Variants in PABPC1 observed in about 807,000 individuals in gnomAD.
PABPC1 encodes polyadenylate-binding protein 1.
PABPC1 carries 4 observed loss-of-function variants against 74.0 expected under a neutral mutation model. That is an observed-to-expected ratio of 0.05 (90% confidence interval 0.03 to 0.12). The LOEUF (loss-of-function observed/expected upper bound fraction) is 0.12. Ranked by LOEUF, PABPC1 falls within the 10% of genes least tolerant of loss-of-function variation. PABPC1 has a pLI of 1.00. For synonymous variants in PABPC1, 227 were observed against 264.1 expected (o/e 0.86, Z 1.36); for missense variants, 271 against 821.1 (o/e 0.33, Z 8.19).
rs779964504 is a variant in PABPC1 at position 100,715,621 on chromosome 8, CTATA to C, written c.504-24_504-21del. On this transcript the variant is annotated intron_variant, in intron 3 of 14. Coordinates refer to ENST00000318607, the MANE Select transcript of PABPC1 (RefSeq NM_002568.4). ...ACAAATCTAATAAGATATACAAGGA[CTATA>C]ACATTAGATTCTATTTTATAAAGTT... The C allele has an allele frequency of 6.4e-7, 1 of 1,556,644 alleles. No individual in the cohort carries two copies. Among genetic ancestry groups the C allele is most frequent in the Non-Finnish European group, 8.8e-7 (1 of 1,139,068 alleles).
chr8:100,712,602 A>T (rs770563475), intron 6 of PABPC1, 50 bp downstream of exon 6: 2 of 1,575,846 alleles, frequency 1.3e-6, no homozygotes, highest in Non-Finnish European at 8.6e-7. Context: ...TCAACGTAAA[A>T]TAGGTTTCCT....
At chr8:100,716,859 C>G (rs1324072655) in intron 3 of PABPC1, among the ~76,000 whole-genome samples, 2 of 152,182 alleles carry the variant, frequency 1.3e-5, no homozygotes, top group African/African-American at 4.8e-5. Flanking sequence ...ATGAAAGACA[C>G]TTTGTGTATT....
intron 4 of PABPC1, among the ~76,000 whole-genome samples, chr8:100,715,122 TACAC>T (rs56819980): frequency 0.056 from 7,293 of 131,326 alleles, 483 homozygotes; most frequent in African/African-American, 0.17. Flanking sequence ...GATCTCTAAT[TACAC>T]ACACACACAC....
intron 3 of PABPC1, among the ~76,000 whole-genome samples, chr8:100,716,606 C>T (rs1309792533): frequency 6.6e-6 from 1 of 152,202 alleles, no homozygotes; most frequent in East Asian, 1.9e-4. Flanking sequence ...GGTTGGTCTT[C>T]GCTATGCTAT....
At chr8:100,710,021 G>A (rs558637648) in intron 7 of PABPC1, among the ~76,000 whole-genome samples, 1 of 152,258 alleles carries the variant, frequency 6.6e-6, no homozygotes, top group East Asian at 1.9e-4. Flanking sequence ...TTTCAATATT[G>A]AAATTTAATT....
In PABPC1 at chr8:100,713,686, C is replaced by T. The variant is rs530625092; in HGVS notation, c.644-505G>A. Among the ~76,000 whole-genome samples the T allele has an allele frequency of 2.6e-4, 40 of 152,238 alleles. 1 individual carries two copies. The highest frequency in any genetic ancestry group is 9.6e-4 in the African/African-American group (40 of 41,546). ...TATTTTTTGTAGAGATAGGGTCTTG[C>T]TATGTTGCCCGGGCTAGTCTAAAAC... is the stretch of plus-strand genomic sequence containing the variant. On this transcript the variant is annotated intron_variant, in intron 4 of 14. Transcript: ENST00000318607.
rs1402735856 is a variant in PABPC1 at position 100,721,216 on chromosome 8, C to A, written c.193+175G>T. 6.6e-6 allele frequency among the ~76,000 whole-genome samples: 1 copy of A among 151,602 alleles called. No homozygotes were observed. Among genetic ancestry groups the A allele is most frequent in the African/African-American group, 2.4e-5 (1 of 41,386 alleles). ...CGTGTGGCTGCCGGCAGCGCGGGTC[C>A]CCGCCGGCTCGGGAAACGCGGCTCC... On this transcript the variant is annotated intron_variant, in intron 1 of 14. Coordinates refer to ENST00000318607, the MANE Select transcript of PABPC1 (RefSeq NM_002568.4). The surrounding 1 kb of genome is among the most constrained non-coding windows in gnomAD (Gnocchi z 7.4).
At chr8:100,718,624 T>A (rs947173332) in intron 1 of PABPC1, among the ~76,000 whole-genome samples, 1 of 152,242 alleles carries the variant, frequency 6.6e-6, no homozygotes, top group African/African-American at 2.4e-5. Flanking sequence ...TTCCTTCACA[T>A]ACAATCTGTT....
chr8:100,708,063 C>T (rs1158961125), intron 9 of PABPC1, among the ~76,000 whole-genome samples: 1 of 152,180 alleles, frequency 6.6e-6, no homozygotes, highest in African/African-American at 2.4e-5. Context: ...AGAGTAATTG[C>T]TACAAACTAA....
chr8:100,710,956 C>T (rs1029626200), intron 7 of PABPC1, among the ~76,000 whole-genome samples: 1 of 151,230 alleles, frequency 6.6e-6, no homozygotes, highest in African/African-American at 2.4e-5. Flanking sequence ...CACTTCACTC[C>T]ATCTCAAAAA....
intron 11 of PABPC1, 38 bp from the exon 12 acceptor site, chr8:100,705,711 GA>G: frequency 1.5e-6 from 2 of 1,330,664 alleles, no homozygotes; most frequent in South Asian, 1.2e-5. Context: ...TTAAAGCACA[GA>G]AAAAGATGGC....
intron 13 of PABPC1, 27 bp downstream of exon 13, chr8:100,704,899 G>A: frequency 6.2e-6 from 10 of 1,610,186 alleles, no homozygotes; most frequent in Non-Finnish European, 7.6e-6. Context: ...TGTGTAAGAG[G>A]CAACTTGGTA....
At position 100,704,921 on chromosome 8, in the gene PABPC1, A is replaced by G. The variant is rs377356641; in HGVS notation, c.1818+5T>C. On this transcript the variant is annotated splice_donor_5th_base_variant and intron_variant, in intron 13 of 14. Coordinates refer to ENST00000318607, the MANE Select transcript of PABPC1 (RefSeq NM_002568.4). ...GAGGCAACTTGGTAAATAAATTTAA[A>G]TCACCTTAGAACGGAGTGACTCTGG... is the stretch of plus-strand genomic sequence containing the variant. 10 of 1,606,194 alleles carry G rather than the reference A, an allele frequency of 6.2e-6. No homozygotes were observed. Among genetic ancestry groups the G allele is most frequent in the Non-Finnish European group, 8.5e-6 (10 of 1,176,372 alleles).
chr8:100,710,321 C>T (rs1203513240), intron 7 of PABPC1, among the ~76,000 whole-genome samples: 1 of 152,126 alleles, frequency 6.6e-6, no homozygotes, highest in African/African-American at 2.4e-5. Flanking sequence ...TGCAAAGAAC[C>T]ACTCGCTAGG....
intron 4 of PABPC1, among the ~76,000 whole-genome samples, chr8:100,715,138 CACACACACACACACACACACATATAT>C (rs1331541751): frequency 7.4e-6 from 1 of 135,130 alleles, no homozygotes; most frequent in African/African-American, 2.7e-5. Flanking sequence ...CACACACACA[CACACACACACACACACACACATATAT>C]ATCTCCAGCC....
chr8:100,706,398 A>G (rs1159727287), intron 11 of PABPC1, among the ~76,000 whole-genome samples: 1 of 152,056 alleles, frequency 6.6e-6, no homozygotes, highest in African/African-American at 2.4e-5. Context: ...GGCTCGAGCA[A>G]TCCTCCTGCC....
rs1365361088 is a variant in PABPC1, at chr8:100,712,642, A to G, written c.876+10T>C. On this transcript the variant is annotated intron_variant, in intron 6 of 14. Coordinates refer to ENST00000318607, the MANE Select transcript of PABPC1 (RefSeq NM_002568.4). Reference sequence around the variant, plus strand: ...CCTGTCTTATTTTGGTTGTTCAATTAAAAATGAACCTGGTATCTGGTGATC... The same window carrying G: ...CCTGTCTTATTTTGGTTGTTCAATTGAAAATGAACCTGGTATCTGGTGATC... 2 of 1,575,478 alleles carry G rather than the reference A, an allele frequency of 1.3e-6. No individual in the cohort carries two copies. Among genetic ancestry groups the G allele is most frequent in the African/African-American group, 2.7e-5 (2 of 72,990 alleles).
At chr8:100,705,741 A>G (rs1451298872) in intron 11 of PABPC1, 68 bp from the exon 12 acceptor site, 2 of 985,246 alleles carry the variant, frequency 2.0e-6, no homozygotes, top group Admixed American at 1.9e-5. Context: ...ATAGTCATCA[A>G]TGGACATCTG....
At chr8:100,709,844 A>T in intron 7 of PABPC1, 113 bp from the exon 8 acceptor site, 1 of 1,167,252 alleles carries the variant, frequency 8.6e-7, no homozygotes, top group Non-Finnish European at 1.2e-6. Flanking sequence ...AACCCTGTTA[A>T]TGCTTAATCA....
Sources: gnomAD v4.1 joint callset for allele counts (sites outside exome capture counted in the v4.1 genomes callset) on GRCh38, gnomAD v4.1.1 for gene constraint, Gnocchi (gnomAD v3.1) non-coding constraint, MANE v1.5 for transcripts, NCBI Gene and HGNC (gene_info 2026-07-23, HGNC 2026-07-21) for gene names.